TPT1: variants seen among roughly 807,000 people sequenced by gnomAD.
The protein encoded by TPT1 is tumor protein, translationally-controlled 1.
TPT1 carries 5 observed loss-of-function variants against 22.8 expected under a neutral mutation model. That is an observed-to-expected ratio of 0.22 (90% confidence interval 0.11 to 0.46). The LOEUF is 0.46. TPT1 is among the 20% of genes least tolerant of loss of function. TPT1 has a pLI of 0.99. For missense variants in TPT1, 130 were observed against 218.7 expected (o/e 0.59, Z 2.56); for synonymous variants, 89 against 73.6 (o/e 1.21, Z -1.07).
In TPT1 at chr13:45,341,156, C is replaced by CGGGGGGA. The variant is rs1555278929; in HGVS notation, c.-94_-88dup. The CGGGGGGA allele has an allele frequency of 3.4e-5, 54 of 1,566,934 alleles. No homozygotes were observed. The highest frequency in any genetic ancestry group is 2.0e-4 in the Admixed American group (11 of 54,052). On this transcript the variant is annotated 5_prime_UTR_variant, in exon 1 of 6. Coordinates refer to ENST00000530705, the MANE Select transcript of TPT1 (RefSeq NM_003295.4). ...AGCGCGGTGCAGCCGGAGCGGCGCT[C>CGGGGGGA]GGGGGGAGGGGGGAGCGGGCGGAAA...
rs1040410710 is a variant in TPT1 at position 45,334,083 on chromosome 13, AT to A, written c.*3302del. 4.7e-4 allele frequency: 71 copies of A among 152,234 alleles called. No homozygotes were observed. Among genetic ancestry groups the A allele is most frequent in the African/African-American group, 1.6e-3 (67 of 41,500 alleles). The allele number at this position is 152,234 out of a possible 1,614,324, so 9.4% of individuals were successfully genotyped here. A position where few individuals can be genotyped will look rare whatever the true frequency, so the allele number is the denominator to read the frequency against. Reference sequence around the variant, plus strand: ...GCCGCCTGAGTAGCTGGGACTACAGATGCCCAATTAATTTTTTTAGGTCTCC... The same window carrying A: ...GCCGCCTGAGTAGCTGGGACTACAGAGCCCAATTAATTTTTTTAGGTCTCC... On this transcript the variant is annotated 3_prime_UTR_variant, in exon 6 of 6. Transcript: ENST00000530705.
chr13:45,341,093 G>A lies in TPT1; in HGVS notation c.-24C>T, dbSNP rs553866883. 6.2e-7 allele frequency: 1 copy of A among 1,612,444 alleles called. No individual in the cohort carries two copies. The highest frequency in any genetic ancestry group is 8.5e-7 in the Non-Finnish European group (1 of 1,179,186). ...ATGATGGCGACTGAAGGGAGACGAC[G>A]ACGGCGCTAGCTTAGCACGAGCCTG... On this transcript the variant is annotated 5_prime_UTR_variant, in exon 1 of 6. Transcript: ENST00000530705.
chr13:45,340,211 G>C (rs377254472), intron 2 of TPT1, 27 bp from the exon 3 acceptor site: 66 of 1,595,982 alleles, frequency 4.1e-5, no homozygotes, highest in Non-Finnish European at 5.5e-5. Flanking sequence ...CAGTATAATT[G>C]CAAAAGACAC....
rs1878605188 is a variant in TPT1, at chr13:45,335,362, G to C, written c.*2024C>G. The C allele has an allele frequency of 6.6e-6, 1 of 152,166 alleles. No individual in the cohort carries two copies. The highest frequency in any genetic ancestry group is 2.4e-5 in the African/African-American group (1 of 41,446). 9.4% of individuals were successfully genotyped at this position (152,166 alleles called of 1,614,324 possible). ...GCTAAGAGCACTGAAAGGACAACTG[G>C]GGAAATACCTCTTCTGCAGAACTGA... On this transcript the variant is annotated 3_prime_UTR_variant, in exon 6 of 6. Transcript: ENST00000530705.
chr13:45,337,085 T>G lies in TPT1; in HGVS notation c.*301A>C. The G allele has an allele frequency of 2.2e-6, 1 of 444,806 alleles. No homozygotes were observed. The allele number at this position is 444,806 out of a possible 1,614,324, so 27.6% of individuals were successfully genotyped here. A position where few individuals can be genotyped will look rare whatever the true frequency, so the allele number is the denominator to read the frequency against. ...TCCACTGTAGAAGTTAATTGATGAG[T>G]AGTAGCCTACAATCAGGCTCTAGCT... On this transcript the variant is annotated 3_prime_UTR_variant, in exon 6 of 6. Transcript: ENST00000530705.
intron 1 of TPT1, 27 bp downstream of exon 1, chr13:45,341,014 CA>C (rs1470060452): frequency 1.2e-6 from 2 of 1,607,980 alleles, no homozygotes; most frequent in African/African-American, 2.7e-5. Flanking sequence ...CCGTGTGCGG[CA>C]GTAAGGATAG....
intron 3 of TPT1, 151 bp from the exon 4 acceptor site, chr13:45,339,753 G>T (rs1878956629): frequency 2.6e-6 from 2 of 780,476 alleles, no homozygotes; most frequent in Non-Finnish European, 4.0e-6. Flanking sequence ...TATCTTTCAA[G>T]AATGTTTACA....
chr13:45,340,564 CCA>C, intron 2 of TPT1, 146 bp downstream of exon 2: 1 of 1,002,154 alleles, frequency 1.0e-6, no homozygotes, highest in Non-Finnish European at 1.5e-6. Context: ...AGCTCCGCCT[CCA>C]GTTTTCTAGA....
intron 2 of TPT1, 57 bp downstream of exon 2, chr13:45,340,655 A>T (rs1879044329): frequency 6.5e-7 from 1 of 1,533,430 alleles, no homozygotes; most frequent in Non-Finnish European, 8.8e-7. Context: ...GGGGGAGCGG[A>T]GGAAACCCGA....
At chr13:45,340,890 C>T (rs1222489342) in intron 1 of TPT1, 105 bp from the exon 2 acceptor site, 1 of 1,484,944 alleles carries the variant, frequency 6.7e-7, no homozygotes, top group Admixed American at 2.4e-5. Flanking sequence ...CGTAGCACAC[C>T]AGAGCTGGGC....
rs571864782 is a variant in TPT1 at position 45,337,260 on chromosome 13, G to A, written c.*126C>T. On this transcript the variant is annotated 3_prime_UTR_variant, in exon 6 of 6. Transcript: ENST00000530705. ...ATGCCTCCACTCCAAATAAATCACAGTCAAAATAAATGAAGAGCTCAAGAT... is the reference window on the plus strand; with the variant it reads ...ATGCCTCCACTCCAAATAAATCACAATCAAAATAAATGAAGAGCTCAAGAT... 5.3e-5 allele frequency: 50 copies of A among 935,748 alleles called. No individual in the cohort carries two copies. In the Admixed American group the frequency reaches 9.4e-4, roughly 18 times the overall value. 58.0% of individuals were successfully genotyped at this position (935,748 alleles called of 1,614,324 possible). A position where few individuals can be genotyped will look rare whatever the true frequency, so the allele number is the denominator to read the frequency against.
At chr13:45,338,329 A>G in intron 5 of TPT1, 1 of 323,298 alleles carries the variant, frequency 3.1e-6, no homozygotes, top group Non-Finnish European at 5.6e-6. Context: ...CATGTTGGCC[A>G]GGCTGGTCTC....
In TPT1 at chr13:45,340,576, A is replaced by G. The variant is rs1388929586; in HGVS notation, c.102+136T>C. ...ATCAGCTCCGCCTCCAGTTTTCTAGAAAAACCCAAGCCCGGAAAGAGCGTC... is the reference window on the plus strand; with the variant it reads ...ATCAGCTCCGCCTCCAGTTTTCTAGGAAAACCCAAGCCCGGAAAGAGCGTC... On this transcript the variant is annotated intron_variant, in intron 2 of 5. Coordinates refer to ENST00000530705, the MANE Select transcript of TPT1 (RefSeq NM_003295.4). The G allele has an allele frequency of 2.7e-6, 3 of 1,119,698 alleles. No homozygotes were observed. In the East Asian group the frequency reaches 7.7e-5, roughly 29 times the overall value. 69.4% of individuals were successfully genotyped at this position (1,119,698 alleles called of 1,614,324 possible). A position where few individuals can be genotyped will look rare whatever the true frequency, so the allele number is the denominator to read the frequency against.
chr13:45,339,435 T>A, intron 4 of TPT1, 62 bp downstream of exon 4: 1 of 1,458,984 alleles, frequency 6.9e-7, no homozygotes, highest in Non-Finnish European at 9.5e-7. Context: ...TTAATCAACT[T>A]AATTTTTGCT....
At position 45,335,207 on chromosome 13, in the gene TPT1, A is replaced by G. The variant is rs1878594813; in HGVS notation, c.*2179T>C. 2 of 152,236 alleles carry G rather than the reference A, an allele frequency of 1.3e-5. No individual in the cohort carries two copies. Among genetic ancestry groups the G allele is most frequent in the Non-Finnish European group, 2.9e-5 (2 of 68,040 alleles). 9.4% of individuals were successfully genotyped at this position (152,236 alleles called of 1,614,324 possible). On this transcript the variant is annotated 3_prime_UTR_variant, in exon 6 of 6. Transcript: ENST00000530705. ...AAAATGAGACAGTCTTCAAAGTCTGAGAAGATTCTACCTGGAATCTTCAAA... is the reference window on the plus strand; with the variant it reads ...AAAATGAGACAGTCTTCAAAGTCTGGGAAGATTCTACCTGGAATCTTCAAA...
intron 2 of TPT1, chr13:45,340,389 G>A (rs1347909037): frequency 3.5e-6 from 3 of 854,668 alleles, no homozygotes; most frequent in African/African-American, 1.7e-5. Context: ...AAAAAATGGG[G>A]TCATTAAAAA....
Position 45,333,530 on chromosome 13 carries a change from T to C in TPT1, c.*3856A>G, listed in dbSNP as rs954001376. ...TGCTCGTCTTGCAATTTTACCATAA[T>C]TATCACCAGTTTAGTTTGCAGTTAA... On this transcript the variant is annotated 3_prime_UTR_variant, in exon 6 of 6. Transcript: ENST00000530705. 1.3e-5 allele frequency: 2 copies of C among 152,234 alleles called. No homozygotes were observed. Among genetic ancestry groups the C allele is most frequent in the Admixed American group, 6.5e-5 (1 of 15,284 alleles). 9.4% of individuals were successfully genotyped at this position (152,234 alleles called of 1,614,324 possible).
chr13:45,340,681 A>G, intron 2 of TPT1, 31 bp downstream of exon 2: 2 of 1,558,540 alleles, frequency 1.3e-6, no homozygotes, highest in Non-Finnish European at 1.7e-6. Flanking sequence ...CTCGGCCCGG[A>G]CTCCCCCACG....
intron 2 of TPT1, chr13:45,340,460 G>C (rs1566177606): frequency 1.4e-6 from 1 of 737,008 alleles, no homozygotes; most frequent in Admixed American, 2.0e-5. Context: ...GGACAAACAC[G>C]AAAGGACTCC....
Sources: allele counts gnomAD v4.1 joint callset, GRCh38; gene constraint gnomAD v4.1.1; transcripts MANE v1.5; gene names NCBI Gene and HGNC (gene_info 2026-07-23, HGNC 2026-07-21).